HHAT: variants seen among roughly 807,000 people sequenced by gnomAD.
The protein encoded by HHAT is hedgehog acyltransferase.
In HHAT, 47 loss-of-function variants were observed where a neutral mutation model predicts 70.8. The observed-to-expected ratio is 0.66, with a 90% confidence interval of 0.53 to 0.85. The LOEUF (loss-of-function observed/expected upper bound fraction) is 0.85, where lower values mean the gene tolerates loss of function less well. Among genes scored for constraint, HHAT ranks in the 40% least tolerant of loss-of-function variants. HHAT has a pLI of 0.00. For synonymous variants in HHAT, 228 were observed against 247.6 expected (o/e 0.92, Z 0.74); for missense variants, 609 against 604.8 (o/e 1.01, Z -0.07).
At chr1:210,535,456 G>GTGTGTGT (rs1394781594) in intron 9 of HHAT, among the ~76,000 whole-genome samples, 30 of 140,228 alleles carry the variant, frequency 2.1e-4, no homozygotes, top group African/African-American at 6.0e-4. Context: ...TGTGTGTGTG[G>GTGTGTGT]GGTAAAATAA....
At chr1:210,485,241 CT>C (rs1489681870) in intron 8 of HHAT, among the ~76,000 whole-genome samples, 1 of 152,144 alleles carries the variant, frequency 6.6e-6, no homozygotes, top group Admixed American at 6.5e-5. Flanking sequence ...ATATACCTGA[CT>C]TTTTAACATG....
chr1:210,616,990 A>G (rs138514116), intron 10 of HHAT, among the ~76,000 whole-genome samples: 2 of 152,380 alleles, frequency 1.3e-5, no homozygotes, highest in East Asian at 3.9e-4. Context: ...GGGATGATCT[A>G]CATTTATCAA....
chr1:210,471,027 A>G (rs115073844), intron 8 of HHAT, among the ~76,000 whole-genome samples: 2,002 of 152,254 alleles, frequency 0.013, 50 homozygotes, highest in African/African-American at 0.046. Context: ...TAATGCTGTA[A>G]CCGTAGCACC....
intron 1 of HHAT, among the ~76,000 whole-genome samples, chr1:210,344,351 CTG>C (rs1224593549): frequency 3.3e-5 from 5 of 150,068 alleles, no homozygotes; most frequent in Admixed American, 3.3e-4. Flanking sequence ...GGGCCACTGT[CTG>C]TGGAGTTTGC....
intron 8 of HHAT, among the ~76,000 whole-genome samples, chr1:210,471,369 C>A (rs560945239): frequency 6.6e-6 from 1 of 151,820 alleles, no homozygotes; most frequent in African/African-American, 2.4e-5. Flanking sequence ...TACTTTATGA[C>A]TGTCATTATT....
intron 11 of HHAT, among the ~76,000 whole-genome samples, chr1:210,629,996 C>T (rs1325579766): frequency 6.6e-6 from 1 of 152,100 alleles, no homozygotes; most frequent in African/African-American, 2.4e-5. Context: ...GTGTGCACCA[C>T]CACACCCGGC....
chr1:210,398,678 G>GTA (rs1281145019), intron 4 of HHAT, among the ~76,000 whole-genome samples: 1 of 152,184 alleles, frequency 6.6e-6, no homozygotes, highest in Admixed American at 6.5e-5. Context: ...GTCTATGTAT[G>GTA]TAGCCACACA....
At chr1:210,646,430 A>C (rs1674084209) in intron 11 of HHAT, among the ~76,000 whole-genome samples, 1 of 152,224 alleles carries the variant, frequency 6.6e-6, no homozygotes. Flanking sequence ...GCTCTATTCT[A>C]ATCCTTTTAG....
At chr1:210,621,933 G>T (rs1458666319) in intron 10 of HHAT, among the ~76,000 whole-genome samples, 1 of 152,190 alleles carries the variant, frequency 6.6e-6, no homozygotes, top group Non-Finnish European at 1.5e-5. Flanking sequence ...AGAGAGCCGT[G>T]GGTGGGGAGA....
intron 3 of HHAT, chr1:210,374,152 A>C (rs1363083841): frequency 6.6e-6 from 1 of 152,194 alleles, no homozygotes; most frequent in African/African-American, 2.4e-5. Flanking sequence ...ATAAAACATG[A>C]TCTGCCTCCC....
intron 11 of HHAT, among the ~76,000 whole-genome samples, chr1:210,646,506 A>T (rs1268735885): frequency 2.0e-5 from 3 of 152,248 alleles, no homozygotes; most frequent in African/African-American, 4.8e-5. Context: ...AAAAGCCCGT[A>T]AGACAAGAAG....
intron 9 of HHAT, among the ~76,000 whole-genome samples, chr1:210,587,614 C>CTA (rs1221537342): frequency 2.0e-5 from 3 of 152,160 alleles, no homozygotes; most frequent in African/African-American, 7.2e-5. Flanking sequence ...TTCAGAAACT[C>CTA]TAAATTCATG....
intron 9 of HHAT, among the ~76,000 whole-genome samples, chr1:210,535,456 G>GTGTGTGTGTGTGTGTGTGTGTGTGT (rs1394781594): frequency 2.1e-5 from 3 of 140,226 alleles, no homozygotes; most frequent in African/African-American, 7.5e-5. Flanking sequence ...TGTGTGTGTG[G>GTGTGTGTGTGTGTGTGTGTGTGTGT]GGTAAAATAA....
At chr1:210,565,488 C>G (rs1654483672) in intron 9 of HHAT, among the ~76,000 whole-genome samples, 1 of 152,126 alleles carries the variant, frequency 6.6e-6, no homozygotes, top group African/African-American at 2.4e-5. Flanking sequence ...ATGTGGCATT[C>G]CTAGTCTGTT....
At chr1:210,570,764 T>C (rs1428971642) in intron 9 of HHAT, among the ~76,000 whole-genome samples, 1 of 152,162 alleles carries the variant, frequency 6.6e-6, no homozygotes, top group African/African-American at 2.4e-5. Context: ...GCAGGAGAAG[T>C]CACTTAAGGC....
chr1:210,638,477 A>G (rs1361028317), intron 11 of HHAT, among the ~76,000 whole-genome samples: 2 of 152,338 alleles, frequency 1.3e-5, no homozygotes, highest in Non-Finnish European at 2.9e-5. Flanking sequence ...AGGCAAATCT[A>G]TAGAGACACA....
At chr1:210,494,647 G>C (rs532429004) in intron 8 of HHAT, among the ~76,000 whole-genome samples, 1 of 143,284 alleles carries the variant, frequency 7.0e-6, no homozygotes, top group Non-Finnish European at 1.5e-5. Context: ...TGCCTCCCAG[G>C]TTCAAGTGAT....
chr1:210,626,836 G>A (rs554452039), intron 11 of HHAT, among the ~76,000 whole-genome samples: 36 of 152,116 alleles, frequency 2.4e-4, no homozygotes, highest in Non-Finnish European at 5.0e-4. Context: ...TCTGAATTCC[G>A]AAACTCATCT....
At chr1:210,608,495 C>G (rs1199143836) in intron 10 of HHAT, among the ~76,000 whole-genome samples, 1 of 152,040 alleles carries the variant, frequency 6.6e-6, no homozygotes, top group Non-Finnish European at 1.5e-5. Flanking sequence ...GGGAAAGCCC[C>G]TACCTTTTCT....
Sources: allele counts gnomAD v4.1 joint callset (sites outside exome capture counted in the v4.1 genomes callset), GRCh38; gene constraint gnomAD v4.1.1; transcripts MANE v1.5; gene names NCBI Gene and HGNC (gene_info 2026-07-23, HGNC 2026-07-21).